CAB39: variants seen among roughly 807,000 people sequenced by gnomAD.
The protein encoded by CAB39 is calcium binding protein 39.
CAB39 carries 8 observed loss-of-function variants against 40.0 expected under a neutral mutation model. The ratio of observed to expected loss-of-function variants is 0.20; its 90% confidence interval spans 0.12 to 0.36. The LOEUF (loss-of-function observed/expected upper bound fraction) is 0.36. Ranked by LOEUF, CAB39 falls within the 10% of genes least tolerant of loss-of-function variation. The pLI is 1.00. For synonymous variants in CAB39, 156 were observed against 141.6 expected, an observed-to-expected ratio of 1.10 and a Z score of -0.72; for missense variants, 270 against 401.1, an observed-to-expected ratio of 0.67 and a Z score of 2.79.
At chr2:230,756,488 C>T (rs1406135482) in intron 1 of CAB39, among the ~76,000 whole-genome samples, 2 of 152,120 alleles carry the variant, frequency 1.3e-5, no homozygotes, top group African/African-American at 4.8e-5. Context: ...CAAACCTGAA[C>T]ATAAGAAACA....
At chr2:230,815,407 TGA>T (rs1173350771) in intron 7 of CAB39, among the ~76,000 whole-genome samples, 2 of 152,176 alleles carry the variant, frequency 1.3e-5, no homozygotes, top group Non-Finnish European at 2.9e-5. Context: ...CATCAGTGTG[TGA>T]GAGAGTGGAG....
At chr2:230,765,739 A>G (rs1406433520) in intron 2 of CAB39, among the ~76,000 whole-genome samples, 1 of 152,092 alleles carries the variant, frequency 6.6e-6, no homozygotes, top group Non-Finnish European at 1.5e-5. Flanking sequence ...GGGGAATACT[A>G]CTACTGGCAT....
At chr2:230,778,044 T>C (rs1695624642) in intron 2 of CAB39, among the ~76,000 whole-genome samples, 5 of 152,256 alleles carry the variant, frequency 3.3e-5, no homozygotes, top group Admixed American at 3.3e-4. Context: ...TATTTTATCC[T>C]TTTAAGATTG....
chr2:230,732,442 T>A (rs1694711018), intron 1 of CAB39, among the ~76,000 whole-genome samples: 1 of 152,186 alleles, frequency 6.6e-6, no homozygotes, highest in Non-Finnish European at 1.5e-5. Context: ...TAAGACCCCT[T>A]ACTTGGGTTT....
intron 1 of CAB39, among the ~76,000 whole-genome samples, chr2:230,742,752 TG>T (rs1158036379): frequency 6.6e-6 from 1 of 152,110 alleles, no homozygotes; most frequent in East Asian, 1.9e-4. Flanking sequence ...TTAAAATAAT[TG>T]ATCAGAGGGG....
intron 1 of CAB39, among the ~76,000 whole-genome samples, chr2:230,751,197 G>A (rs758417851): frequency 3.3e-5 from 5 of 152,132 alleles, no homozygotes; most frequent in Non-Finnish European, 7.4e-5. Flanking sequence ...TTCTTTGTTT[G>A]TGCTTTTTGT....
At chr2:230,754,802 A>G (rs187966733) in intron 1 of CAB39, among the ~76,000 whole-genome samples, 254 of 152,312 alleles carry the variant, frequency 1.7e-3, no homozygotes, top group African/African-American at 5.7e-3. Context: ...TACAGGCATG[A>G]GCCACTGCGC....
At chr2:230,774,180 T>C (rs1049819363) in intron 2 of CAB39, among the ~76,000 whole-genome samples, 1 of 152,230 alleles carries the variant, frequency 6.6e-6, no homozygotes, top group African/African-American at 2.4e-5. Flanking sequence ...GGTAAAATTA[T>C]GCCTTTTTCC....
Position 230,769,010 on chromosome 2 carries a change from G to A in CAB39, c.114+8895G>A, listed in dbSNP as rs532444579. Among the ~76,000 whole-genome samples the A allele has an allele frequency of 3.3e-5, 5 of 152,250 alleles. No individual in the cohort carries two copies. The South Asian group carries it at 8.3e-4, about 25-fold the overall frequency. On this transcript the variant is annotated intron_variant, in intron 2 of 8. Transcript: ENST00000258418. ...TACTATATGGTGCCTATTAAAAAAT[G>A]TACTTTACAGTTAGCAACTTAAAAT...
chr2:230,806,006 G>C (rs1179268493), intron 5 of CAB39, among the ~76,000 whole-genome samples: 2 of 152,192 alleles, frequency 1.3e-5, no homozygotes, highest in Admixed American at 1.3e-4. Context: ...AGGTCAGAGA[G>C]ACCAGAATAT....
chr2:230,765,259 C>CT (rs980139009), intron 2 of CAB39, among the ~76,000 whole-genome samples: 1 of 152,024 alleles, frequency 6.6e-6, no homozygotes, highest in Admixed American at 6.6e-5. Context: ...AATGGACTGA[C>CT]TTTTTTTAAC....
intron 1 of CAB39, among the ~76,000 whole-genome samples, chr2:230,724,936 G>A (rs1471724809): frequency 1.3e-5 from 2 of 151,706 alleles, no homozygotes; most frequent in East Asian, 3.9e-4. Flanking sequence ...GAACTGGCAA[G>A]GGAAAAAGGA....
intron 1 of CAB39, among the ~76,000 whole-genome samples, chr2:230,729,057 C>T (rs1694637216): frequency 6.6e-6 from 1 of 152,102 alleles, no homozygotes; most frequent in African/African-American, 2.4e-5. Context: ...TCAATTAATC[C>T]CCTCAGCCTG....
At chr2:230,719,137 A>G (rs2124849688) in intron 1 of CAB39, among the ~76,000 whole-genome samples, 2 of 152,364 alleles carry the variant, frequency 1.3e-5, no homozygotes, top group Admixed American at 1.3e-4. Context: ...CGAAATAGAC[A>G]AAGAATCAAG....
chr2:230,788,431 C>T (rs913632779), intron 2 of CAB39, among the ~76,000 whole-genome samples: 2 of 151,812 alleles, frequency 1.3e-5, no homozygotes, highest in Admixed American at 6.6e-5. Flanking sequence ...ATGTTATAAC[C>T]CCAGAATACG....
rs1263993794 is a variant in CAB39 at position 230,748,839 on chromosome 2, T to A, written c.-43-11120T>A. On this transcript the variant is annotated intron_variant, in intron 1 of 8. Coordinates refer to ENST00000258418, the MANE Select transcript of CAB39 (RefSeq NM_016289.4). The stretch of plus-strand genomic sequence containing the variant: ...AAAAAAAAAAAAAAAAAAATATATA[T>A]ATATATATATATATATATATATATA... 3.1e-3 allele frequency among the ~76,000 whole-genome samples: 205 copies of A among 66,136 alleles called. 3 individuals are homozygous for A. Among genetic ancestry groups the A allele is most frequent in the African/African-American group, 0.016 (156 of 9,754 alleles). The allele number at this position is 66,136 out of a possible 152,430, so 43.4% of individuals were successfully genotyped here. A position where few individuals can be genotyped will look rare whatever the true frequency, so the allele number is the denominator to read the frequency against.
At chr2:230,741,994 C>G (rs2124890876) in intron 1 of CAB39, among the ~76,000 whole-genome samples, 1 of 152,186 alleles carries the variant, frequency 6.6e-6, no homozygotes, top group South Asian at 2.1e-4. Flanking sequence ...TGAGATGCTA[C>G]TAGAATGGCT....
At chr2:230,752,836 A>G (rs1695114158) in intron 1 of CAB39, among the ~76,000 whole-genome samples, 1 of 152,244 alleles carries the variant, frequency 6.6e-6, no homozygotes, top group Non-Finnish European at 1.5e-5. Context: ...GTGACAACCA[A>G]GTTTAGTGAT....
At chr2:230,748,821 AAAAAAAAAAAATATAT>A (rs1206488117) in intron 1 of CAB39, among the ~76,000 whole-genome samples, 22 of 57,206 alleles carry the variant, frequency 3.8e-4, no homozygotes, top group African/African-American at 1.4e-3. Context: ...AAGAAAAAAA[AAAAAAAAAAAATATAT>A]ATATATATAT....
Sources: gnomAD v4.1 joint callset for allele counts (sites outside exome capture counted in the v4.1 genomes callset) on GRCh38, gnomAD v4.1.1 for gene constraint, MANE v1.5 for transcripts, NCBI Gene and HGNC (gene_info 2026-07-23, HGNC 2026-07-21) for gene names.